ZFP14: variants seen among roughly 807,000 people sequenced by gnomAD.
The protein encoded by ZFP14 is zinc finger protein 14 homolog.
A neutral mutation model predicts 54.5 loss-of-function variants in ZFP14; 22 were observed. The observed-to-expected ratio is 0.40, with a 90% CI of 0.29 to 0.58. The LOEUF (loss-of-function observed/expected upper bound fraction) is 0.58. Ranked by LOEUF, ZFP14 falls within the 20% of genes least tolerant of loss-of-function variation. The probability of loss-of-function intolerance (pLI) is 0.39; values close to 1 mark genes in which losing one functional copy is unlikely to be tolerated. For missense variants in ZFP14, 470 were observed against 637.8 expected (o/e 0.74, Z 2.83); for synonymous variants, 159 against 204.0 (o/e 0.78, Z 1.88).
intron 4 of ZFP14, chr19:36,360,165 T>C (rs953915419): frequency 8.0e-6 from 2 of 249,632 alleles, no homozygotes; most frequent in African/African-American, 4.4e-5. Flanking sequence ...ATTTATTTAT[T>C]TTTTCTTCTA....
At chr19:36,367,232 C>T (rs983481518) in intron 2 of ZFP14, among the ~76,000 whole-genome samples, 2 of 151,938 alleles carry the variant, frequency 1.3e-5, no homozygotes, top group Non-Finnish European at 2.9e-5. Flanking sequence ...AAGCACTGTA[C>T]TGAGAAAAAT....
At chr19:36,372,010 G>C (rs1444347115) in intron 1 of ZFP14, among the ~76,000 whole-genome samples, 1 of 133,764 alleles carries the variant, frequency 7.5e-6, no homozygotes, top group Non-Finnish European at 1.6e-5. Flanking sequence ...GAGGGAAGGA[G>C]GGAAGGAAGG....
intron 2 of ZFP14, among the ~76,000 whole-genome samples, chr19:36,364,428 T>C (rs2031759644): frequency 6.6e-6 from 1 of 152,044 alleles, no homozygotes; most frequent in South Asian, 2.1e-4. Flanking sequence ...AATAATTCCA[T>C]AGGCTAGCAG....
intron 3 of ZFP14, among the ~76,000 whole-genome samples, chr19:36,360,787 T>A (rs1165783775): frequency 6.6e-6 from 1 of 152,202 alleles, no homozygotes; most frequent in African/African-American, 2.4e-5. Flanking sequence ...TAATATAATT[T>A]AACCTCACAC....
Position 36,336,115 on chromosome 19 carries a change from G to A in ZFP14, c.*4109C>T, listed in dbSNP as rs1568461662. ...TTTTATCATCATTAATACTCTAAAT[G>A]TATTATCTTTCATTTTCTCTTCCTT... On this transcript the variant is annotated 3_prime_UTR_variant, in exon 5 of 5. Coordinates refer to ENST00000270001, the MANE Select transcript of ZFP14 (RefSeq NM_020917.3). 6.6e-6 allele frequency: 1 copy of A among 151,250 alleles called. No homozygotes were observed. The highest frequency in any genetic ancestry group is 1.9e-4 in the East Asian group (1 of 5,152). 9.4% of individuals were successfully genotyped at this position (151,250 alleles called of 1,614,324 possible).
At position 36,341,437 on chromosome 19, in the gene ZFP14, T is replaced by C; in HGVS notation, c.389A>G (p.Glu130Gly). 1 of 1,614,142 alleles carries C rather than the reference T, an allele frequency of 6.2e-7. No individual in the cohort carries two copies. The highest frequency in any genetic ancestry group is 8.5e-7 in the Non-Finnish European group (1 of 1,180,018). Residue 130 changes from glutamate (E) to glycine (G), a missense_variant, in exon 5 of 5, where the codon GAG (glutamate) becomes GGG (glycine). Transcript: ENST00000270001. The surrounding 1 kb of genome is among the most constrained non-coding windows in gnomAD (Gnocchi z 4.2). ...TCCCTCTTGTTGTTCCTTTTCCCCCTCAATCTTGCTTTTGCATTCCCAATC... is the reference window on the plus strand; with the variant it reads ...TCCCTCTTGTTGTTCCTTTTCCCCCCCAATCTTGCTTTTGCATTCCCAATC... ...RNDWECKSKI[E>G]GEKEQQEGYF...
intron 2 of ZFP14, among the ~76,000 whole-genome samples, chr19:36,365,136 G>C (rs2031774817): frequency 6.6e-6 from 1 of 150,666 alleles, no homozygotes; most frequent in Non-Finnish European, 1.5e-5. Flanking sequence ...TCCCAAAGGA[G>C]GGATTACAGG....
intron 4 of ZFP14, among the ~76,000 whole-genome samples, chr19:36,348,743 C>T (rs1481872956): frequency 6.6e-6 from 1 of 152,068 alleles, no homozygotes; most frequent in Admixed American, 6.5e-5. Context: ...TTTGACCCCG[C>T]CTGTGCTGCA....
At chr19:36,371,926 C>G (rs1423891599) in intron 1 of ZFP14, among the ~76,000 whole-genome samples, 4 of 144,894 alleles carry the variant, frequency 2.8e-5, no homozygotes, top group African/African-American at 7.6e-5. Context: ...CCACTACACT[C>G]CAGCCTGGGC....
Position 36,336,765 on chromosome 19 carries a change from A to G in ZFP14, c.*3459T>C, listed in dbSNP as rs1050268660. 6.6e-6 allele frequency: 1 copy of G among 152,162 alleles called. No homozygotes were observed. The highest frequency in any genetic ancestry group is 1.5e-5 in the Non-Finnish European group (1 of 68,042). 9.4% of individuals were successfully genotyped at this position (152,162 alleles called of 1,614,324 possible). A position where few individuals can be genotyped will look rare whatever the true frequency, so the allele number is the denominator to read the frequency against. On this transcript the variant is annotated 3_prime_UTR_variant, in exon 5 of 5. Transcript: ENST00000270001. Reference sequence around the variant, plus strand: ...CTTTGATTATATCTGACAAGGTTAGATGTGCAGGCATCTCACTGTCATTCA... The same window carrying G: ...CTTTGATTATATCTGACAAGGTTAGGTGTGCAGGCATCTCACTGTCATTCA...
In ZFP14 at chr19:36,340,410, A is replaced by C; in HGVS notation, c.1416T>G (p.Ser472Arg). ...RLLSQLTQHQ[S>R]IHTGEKPYEC... is the part of the protein sequence containing the mutation. ...CATAAGGTTTCTCACCAGTGTGAATACTCTGATGTTGGGTAAGTTGTGAGA... is the reference window on the plus strand; with the variant it reads ...CATAAGGTTTCTCACCAGTGTGAATCCTCTGATGTTGGGTAAGTTGTGAGA... Residue 472 changes from serine to arginine, a missense_variant, in exon 5 of 5, where the codon AGT (serine) becomes AGG (arginine). Coordinates refer to ENST00000270001, the MANE Select transcript of ZFP14 (RefSeq NM_020917.3). This position sits in a 1 kb window ranked among gnomAD's most constrained non-coding sequence, Gnocchi z 5.4. The C allele has an allele frequency of 1.2e-6, 2 of 1,613,794 alleles. No homozygotes were observed. The highest frequency in any genetic ancestry group is 1.7e-6 in the Non-Finnish European group (2 of 1,179,912).
chr19:36,357,997 C>T (rs1224644970), intron 4 of ZFP14, among the ~76,000 whole-genome samples: 2 of 151,792 alleles, frequency 1.3e-5, no homozygotes, highest in Non-Finnish European at 2.9e-5. Context: ...CCTGCCTCGG[C>T]CTTCCAAAGT....
At position 36,340,582 on chromosome 19, in the gene ZFP14, T is replaced by C. The variant is rs1463180993; in HGVS notation, c.1244A>G (p.Gln415Arg). The C allele has an allele frequency of 6.2e-7, 1 of 1,614,112 alleles. No individual in the cohort carries two copies. ...FSSYSQLISH[Q>R]SIHIGERPYE... ...GGGTCTCTCACCAATATGAATGCTC[T>C]GGTGTGAAATAAGCTGTGAGTAACT... The change falls in exon 5 of 5, where the codon CAG becomes CGG. Residue 415 changes from glutamine (Q) to arginine (R), a missense_variant. By Grantham distance (43) the Gln-to-Arg change is conservative. Transcript: ENST00000270001. This position sits in a 1 kb window ranked among gnomAD's most constrained non-coding sequence, Gnocchi z 5.4.
intron 4 of ZFP14, among the ~76,000 whole-genome samples, chr19:36,351,149 T>C (rs1362458898): frequency 7.0e-6 from 1 of 143,518 alleles, no homozygotes. Flanking sequence ...AAAAATTCAC[T>C]ACTTATTACA....
At chr19:36,363,931 A>T (rs925066149) in intron 2 of ZFP14, among the ~76,000 whole-genome samples, 4 of 151,980 alleles carry the variant, frequency 2.6e-5, no homozygotes, top group African/African-American at 7.2e-5. Context: ...CGGAGGTTGC[A>T]GTGAGCTGAG....
At chr19:36,355,029 T>C (rs2031591377) in intron 4 of ZFP14, among the ~76,000 whole-genome samples, 1 of 143,262 alleles carries the variant, frequency 7.0e-6, no homozygotes, top group African/African-American at 2.6e-5. Context: ...TGTACTTGTT[T>C]ACTTCATGTC....
At chr19:36,342,259 C>T (rs1302209098) in intron 4 of ZFP14, among the ~76,000 whole-genome samples, 1 of 143,636 alleles carries the variant, frequency 7.0e-6, no homozygotes, top group Non-Finnish European at 1.5e-5. Context: ...CGGCTCACTG[C>T]AACCTCTGCC....
intron 2 of ZFP14, among the ~76,000 whole-genome samples, chr19:36,365,146 G>A (rs963648346): frequency 6.6e-6 from 1 of 151,418 alleles, no homozygotes; most frequent in Non-Finnish European, 1.5e-5. Flanking sequence ...GGGATTACAG[G>A]CGTGAGCCAC....
rs1456363383 is a variant in ZFP14, at chr19:36,349,233, AAAAAAAAAACAAAAAAAAAAAAAC to A, written c.236-7667_236-7644del. 1.4e-3 allele frequency among the ~76,000 whole-genome samples: 59 copies of A among 42,074 alleles called. 2 individuals are homozygous for A. The East Asian group carries it at 0.025, about 18-fold the overall frequency. 27.6% of individuals were successfully genotyped at this position (42,074 alleles called of 152,430 possible). ...GCTATAAGAGGGGAACTCTGTCTCA[AAAAAAAAAACAAAAAAAAAAAAAC>A]AAAAAAAAAAAAACAGGAAGAACAT... On this transcript the variant is annotated intron_variant, in intron 4 of 4. Transcript: ENST00000270001.
Sources: gnomAD v4.1 joint callset for allele counts (sites outside exome capture counted in the v4.1 genomes callset) on GRCh38, gnomAD v4.1.1 for gene constraint, Gnocchi (gnomAD v3.1) non-coding constraint, MANE v1.5 for transcripts, NCBI Gene and HGNC (gene_info 2026-07-23, HGNC 2026-07-21) for gene names.